The following DMRT1 variants were observed in gnomAD, a reference collection of about 807,000 sequenced individuals.
DMRT1 encodes the protein doublesex and mab-3 related transcription factor 1, also known as doublesex- and mab-3-related transcription factor 1.
DMRT1 carries 7 observed loss-of-function variants against 32.3 expected under a neutral mutation model. The ratio of observed to expected loss-of-function variants is 0.22; its 90% CI spans 0.12 to 0.41. DMRT1 has a LOEUF of 0.41. Ranked by LOEUF, DMRT1 falls within the 10% of genes least tolerant of loss-of-function variation. The pLI is 1.00. For synonymous variants in DMRT1, 278 were observed against 206.1 expected (o/e 1.35, Z -2.99); for missense variants, 625 against 500.5 (o/e 1.25, Z -2.37).
At chr9:920,080 T>G (rs530755881) in intron 4 of DMRT1, among the ~76,000 whole-genome samples, 1 of 152,144 alleles carries the variant, frequency 6.6e-6, no homozygotes, top group Non-Finnish European at 1.5e-5. Context: ...TGTGTTAAGT[T>G]TGAGATGTCC....
At position 916,891 on chromosome 9, in the gene DMRT1, G is replaced by A. The variant is rs139563140; in HGVS notation, c.951G>A (p.Pro317=). 2.7e-5 allele frequency: 44 copies of A among 1,614,130 alleles called. No individual in the cohort carries two copies. In the South Asian group the frequency reaches 2.9e-4, roughly 10 times the overall value. Residue 317 remains proline, a synonymous_variant, in exon 4 of 5, where the codon CCG becomes CCA. Transcript: ENST00000382276. ...FFTFEDAPSY[P]EARASVFSPP... ...CTTTTGAGGATGCTCCCTCTTACCCGGAAGCCAGGGCGAGCGGTAGGTGTC... is the reference window on the plus strand; with the variant it reads ...CTTTTGAGGATGCTCCCTCTTACCCAGAAGCCAGGGCGAGCGGTAGGTGTC...
intron 4 of DMRT1, among the ~76,000 whole-genome samples, chr9:927,169 C>G (rs1215192178): frequency 6.6e-6 from 1 of 152,236 alleles, no homozygotes; most frequent in Non-Finnish European, 1.5e-5. Context: ...CGGCCCAGGC[C>G]AAGTACAACT....
intron 4 of DMRT1, among the ~76,000 whole-genome samples, chr9:935,744 T>C (rs1818865555): frequency 6.6e-6 from 1 of 152,226 alleles, no homozygotes; most frequent in South Asian, 2.1e-4. Flanking sequence ...CCAGACCCGT[T>C]GAGTAAATCA....
intron 2 of DMRT1, among the ~76,000 whole-genome samples, chr9:856,008 C>A (rs1263570890): frequency 6.6e-6 from 1 of 152,086 alleles, no homozygotes; most frequent in Non-Finnish European, 1.5e-5. Flanking sequence ...CCTCTGCCTC[C>A]CAGGTTCAAG....
intron 3 of DMRT1, among the ~76,000 whole-genome samples, chr9:908,798 G>T (rs1817871011): frequency 6.6e-6 from 1 of 152,056 alleles, no homozygotes; most frequent in Non-Finnish European, 1.5e-5. Flanking sequence ...GCCCTGTTGT[G>T]TGAGCGTCCT....
chr9:968,118 C>G lies in DMRT1; in HGVS notation c.1101C>G (p.Pro367=), dbSNP rs148941237. 2.4e-5 allele frequency: 38 copies of G among 1,613,572 alleles called. No individual in the cohort carries two copies. The African/African-American group carries it at 2.7e-4, about 11-fold the overall frequency. Residue 367 remains proline, a synonymous_variant, in exon 5 of 5, where the codon CCC becomes CCG. Transcript: ENST00000382276. The part of the protein sequence containing the change: ...ASEPSSFTVT[P]VIEEDE ...AGCCCAGCAGCTTCACAGTCACTCC[C>G]GTCATCGAGGAGGACGAGTGAGCAG...
chr9:868,312 T>A (rs958360834), intron 2 of DMRT1, among the ~76,000 whole-genome samples: 3 of 152,218 alleles, frequency 2.0e-5, no homozygotes, highest in African/African-American at 7.2e-5. Flanking sequence ...AGCATTATCC[T>A]GGATCTTACA....
In DMRT1 at chr9:885,578, C is replaced by G. The variant is rs116473247; in HGVS notation, c.539-8334C>G. On this transcript the variant is annotated intron_variant, in intron 2 of 4. Transcript: ENST00000382276. ...CTGCTCTCGACGTTGAGCTGCTTGC[C>G]TTCTTCCACCAATCTACTCGTCTCA... is the stretch of plus-strand genomic sequence containing the variant. Among the ~76,000 whole-genome samples the G allele has an allele frequency of 4.3e-3, 658 of 152,318 alleles. 4 individuals are homozygous for G. Among genetic ancestry groups the G allele is most frequent in the African/African-American group, 0.015 (636 of 41,568 alleles).
At chr9:953,506 C>A (rs1031644406) in intron 4 of DMRT1, among the ~76,000 whole-genome samples, 1 of 152,216 alleles carries the variant, frequency 6.6e-6, no homozygotes, top group African/African-American at 2.4e-5. Context: ...TCTGCCCCCC[C>A]GACCTTTGAT....
intron 2 of DMRT1, among the ~76,000 whole-genome samples, chr9:870,047 C>G (rs1187955730): frequency 6.6e-6 from 1 of 152,166 alleles, no homozygotes; most frequent in Non-Finnish European, 1.5e-5. Context: ...TTTTTGAGAG[C>G]TTTCTCTTAG....
At chr9:864,607 T>A (rs1044670436) in intron 2 of DMRT1, among the ~76,000 whole-genome samples, 3 of 151,804 alleles carry the variant, frequency 2.0e-5, no homozygotes, top group Non-Finnish European at 4.4e-5. Context: ...CATGCCATTC[T>A]CCTTCCTCAG....
At chr9:957,559 C>T (rs999491492) in intron 4 of DMRT1, among the ~76,000 whole-genome samples, 3 of 152,090 alleles carry the variant, frequency 2.0e-5, no homozygotes, top group Non-Finnish European at 2.9e-5. Context: ...CCATGATGGC[C>T]GTGTTATATT....
intron 2 of DMRT1, among the ~76,000 whole-genome samples, chr9:878,147 A>G (rs1320644492): frequency 1.3e-5 from 2 of 151,904 alleles, no homozygotes; most frequent in African/African-American, 4.8e-5. Context: ...AACATTGAAT[A>G]GCACATTAAC....
chr9:909,443 C>T (rs910050715), intron 3 of DMRT1, among the ~76,000 whole-genome samples: 5 of 152,032 alleles, frequency 3.3e-5, no homozygotes, highest in African/African-American at 9.7e-5. Flanking sequence ...AGACAGTTCA[C>T]GGTGTGTGCT....
chr9:854,120 T>C (rs563797908), intron 2 of DMRT1, among the ~76,000 whole-genome samples: 11 of 151,450 alleles, frequency 7.3e-5, no homozygotes, highest in South Asian at 2.1e-4. Context: ...CCATTTTTTT[T>C]TTTTAATTTT....
At chr9:913,037 G>A (rs567704013) in intron 3 of DMRT1, among the ~76,000 whole-genome samples, 2 of 152,138 alleles carry the variant, frequency 1.3e-5, no homozygotes, top group East Asian at 3.9e-4. Flanking sequence ...TATATATACT[G>A]TTTGACATTT....
At position 864,867 on chromosome 9, in the gene DMRT1, C is replaced by G. The variant is rs925663801; in HGVS notation, c.538+17724C>G. Among the ~76,000 whole-genome samples the G allele has an allele frequency of 7.4e-5, 3 of 40,808 alleles. No homozygotes were observed. In the East Asian group the frequency reaches 2.3e-3, roughly 31 times the overall value. 26.8% of individuals were successfully genotyped at this position (40,808 alleles called of 152,430 possible). A position where few individuals can be genotyped will look rare whatever the true frequency, so the allele number is the denominator to read the frequency against. On this transcript the variant is annotated intron_variant, in intron 2 of 4. Transcript: ENST00000382276. ...TATGAGTAGGTCTCAAGTTTTAAGC[C>G]AAAAGCTTCGACTAAACCATTTCAT...
chr9:888,495 G>T (rs1479623296), intron 2 of DMRT1, among the ~76,000 whole-genome samples: 1 of 151,964 alleles, frequency 6.6e-6, no homozygotes, highest in East Asian at 1.9e-4. Flanking sequence ...TTTGTAGAGG[G>T]GTTTTGTTTG....
intron 2 of DMRT1, among the ~76,000 whole-genome samples, chr9:888,699 G>GCTGCTTTGAATT (rs1564226156): frequency 6.7e-6 from 1 of 149,656 alleles, no homozygotes; most frequent in African/African-American, 2.5e-5. Context: ...GTGTGGAGCA[G>GCTGCTTTGAATT]TTGTTAATAG....
Sources: gnomAD v4.1 joint callset for allele counts (sites outside exome capture counted in the v4.1 genomes callset) on GRCh38, gnomAD v4.1.1 for gene constraint, MANE v1.5 for transcripts, NCBI Gene and HGNC (gene_info 2026-07-23, HGNC 2026-07-21) for gene names.